The following WDR12 variants were observed in gnomAD, a reference collection of about 807,000 sequenced individuals.
WDR12 encodes WD repeat domain 12, also known as ribosome biogenesis protein WDR12.
A neutral mutation model predicts 64.3 loss-of-function variants in WDR12; 42 were observed. The ratio of observed to expected loss-of-function variants is 0.65; its 90% CI spans 0.51 to 0.84. The LOEUF is 0.84. Ranked by LOEUF, WDR12 falls within the 40% of genes least tolerant of loss-of-function variation. The probability of loss-of-function intolerance (pLI) is 0.00; values close to 1 mark genes in which losing one functional copy is unlikely to be tolerated. For synonymous variants in WDR12, 158 were observed against 173.3 expected (o/e 0.91, Z 0.70); for missense variants, 469 against 494.6 (o/e 0.95, Z 0.49).
intron 8 of WDR12, among the ~76,000 whole-genome samples, chr2:202,887,894 C>CAAAAAAAAA (rs778475206): frequency 3.3e-5 from 2 of 60,740 alleles, no homozygotes; most frequent in Non-Finnish European, 6.6e-5. Flanking sequence ...GACTCCGTCT[C>CAAAAAAAAA]AAAAAAAAAA....
At chr2:202,910,341 G>A (rs1463695260) in intron 1 of WDR12, among the ~76,000 whole-genome samples, 3 of 152,096 alleles carry the variant, frequency 2.0e-5, no homozygotes, top group Non-Finnish European at 4.4e-5. Context: ...TGGCCACCAA[G>A]ACAAATTCCT....
intron 1 of WDR12, among the ~76,000 whole-genome samples, chr2:202,910,098 G>A (rs1436280432): frequency 1.3e-5 from 2 of 152,126 alleles, no homozygotes; most frequent in Non-Finnish European, 2.9e-5. Flanking sequence ...ACTCGGCAAA[G>A]AATTTTAATT....
At chr2:202,885,766 G>C (rs1234727530) in intron 8 of WDR12, among the ~76,000 whole-genome samples, 1 of 152,134 alleles carries the variant, frequency 6.6e-6, no homozygotes, top group Admixed American at 6.5e-5. Context: ...GTATATAAAA[G>C]AGAGTGGGAA....
chr2:202,910,332 G>A (rs1574413547), intron 1 of WDR12, among the ~76,000 whole-genome samples: 1 of 152,064 alleles, frequency 6.6e-6, no homozygotes, highest in African/African-American at 2.4e-5. Flanking sequence ...AGACCAGCAT[G>A]GCCACCAAGA....
At chr2:202,902,228 C>G (rs181979517) in intron 2 of WDR12, among the ~76,000 whole-genome samples, 13 of 152,182 alleles carry the variant, frequency 8.5e-5, no homozygotes, top group Admixed American at 2.6e-4. Context: ...CAACAAAATA[C>G]TTGCAAACCA....
At chr2:202,910,878 A>T in intron 1 of WDR12, among the ~76,000 whole-genome samples, 1 of 152,150 alleles carries the variant, frequency 6.6e-6, no homozygotes, top group Non-Finnish European at 1.5e-5. Flanking sequence ...TCACTGAAAA[A>T]TTTGACATTT....
chr2:202,888,761 G>A (rs1025867590), intron 8 of WDR12, among the ~76,000 whole-genome samples: 1 of 152,060 alleles, frequency 6.6e-6, no homozygotes, highest in Non-Finnish European at 1.5e-5. Context: ...CGCCCAAACT[G>A]GAGTGCAGTG....
At chr2:202,901,155 T>C in intron 2 of WDR12, 36 bp from the exon 3 acceptor site, 1 of 1,518,010 alleles carries the variant, frequency 6.6e-7, no homozygotes. Context: ...TCACTCTTAG[T>C]GTCTAAAGTA....
intron 12 of WDR12, among the ~76,000 whole-genome samples, chr2:202,882,404 C>T (rs1687968066): frequency 6.6e-6 from 1 of 152,022 alleles, no homozygotes; most frequent in Non-Finnish European, 1.5e-5. Flanking sequence ...TCTCAGCTCA[C>T]TGCAAGCTCC....
At chr2:202,898,211 C>T (rs1259980073) in intron 4 of WDR12, among the ~76,000 whole-genome samples, 3 of 151,862 alleles carry the variant, frequency 2.0e-5, no homozygotes, top group Non-Finnish European at 2.9e-5. Flanking sequence ...AAGGCAGTGG[C>T]GCGATCTCAG....
chr2:202,901,158 C>G, intron 2 of WDR12, 39 bp from the exon 3 acceptor site: 2 of 1,501,612 alleles, frequency 1.3e-6, no homozygotes, highest in Non-Finnish European at 1.8e-6. Context: ...CTCTTAGTGT[C>G]TAAAGTAATA....
intron 2 of WDR12, among the ~76,000 whole-genome samples, chr2:202,902,664 T>A (rs1688369613): frequency 6.6e-6 from 1 of 152,188 alleles, no homozygotes; most frequent in Non-Finnish European, 1.5e-5. Context: ...TCTCAGGTGT[T>A]TGGCCATAGA....
chr2:202,898,026 C>G (rs2105909213), intron 4 of WDR12, among the ~76,000 whole-genome samples: 1 of 148,128 alleles, frequency 6.8e-6, no homozygotes, highest in East Asian at 2.0e-4. Flanking sequence ...AGACTTGGAT[C>G]ACATCCCTAA....
At chr2:202,896,839 T>C (rs887139081) in intron 5 of WDR12, among the ~76,000 whole-genome samples, 17 of 151,764 alleles carry the variant, frequency 1.1e-4, no homozygotes, top group Admixed American at 9.9e-4. Context: ...ATACAAAAAT[T>C]AGCCAGGCGT....
chr2:202,887,301 G>A (rs1180696544), intron 8 of WDR12, among the ~76,000 whole-genome samples: 1 of 25,904 alleles, frequency 3.9e-5, no homozygotes, highest in African/African-American at 6.7e-5. Flanking sequence ...TGGGGTTACA[G>A]GTGCCCCACT....
chr2:202,881,412 AT>A (rs1559157610), intron 12 of WDR12, among the ~76,000 whole-genome samples: 1 of 152,124 alleles, frequency 6.6e-6, no homozygotes, highest in Non-Finnish European at 1.5e-5. Flanking sequence ...CTTATGCAAG[AT>A]TTTTCCAACT....
chr2:202,904,061 C>T (rs1688405606), intron 2 of WDR12, among the ~76,000 whole-genome samples: 1 of 142,932 alleles, frequency 7.0e-6, no homozygotes, highest in African/African-American at 2.6e-5. Context: ...TCGCTTGAAA[C>T]CGGGAGGTGG....
intron 8 of WDR12, among the ~76,000 whole-genome samples, chr2:202,884,794 G>A (rs576665804): frequency 1.7e-4 from 26 of 152,242 alleles, no homozygotes; most frequent in Admixed American, 1.2e-3. Flanking sequence ...AATATTACTC[G>A]TCTGTAGTCT....
intron 2 of WDR12, among the ~76,000 whole-genome samples, chr2:202,904,284 A>G (rs1192584559): frequency 6.6e-6 from 1 of 152,012 alleles, no homozygotes; most frequent in Non-Finnish European, 1.5e-5. Context: ...AGCAACCTAC[A>G]GATTCAATGC....
Sources: allele counts gnomAD v4.1 joint callset (sites outside exome capture counted in the v4.1 genomes callset), GRCh38; gene constraint gnomAD v4.1.1; transcripts MANE v1.5; gene names NCBI Gene and HGNC (gene_info 2026-07-23, HGNC 2026-07-21).